DNM3: variants seen among roughly 807,000 people sequenced by gnomAD.
DNM3 encodes the protein dynamin 3, also known as dynamin-3.
DNM3 carries 47 observed loss-of-function variants against 101.6 expected under a neutral mutation model. The observed-to-expected ratio is 0.46, with a 90% CI of 0.37 to 0.59. DNM3 has a LOEUF of 0.59. Ranked by LOEUF, DNM3 falls within the 20% of genes least tolerant of loss-of-function variation. The probability of loss-of-function intolerance (pLI) is 0.00; values close to 1 mark genes in which losing one functional copy is unlikely to be tolerated. For missense variants in DNM3, 849 were observed against 1,085.7 expected, an observed-to-expected ratio of 0.78 and a Z score of 3.06; for synonymous variants, 385 against 387.9, an observed-to-expected ratio of 0.99 and a Z score of 0.09.
intron 17 of DNM3, among the ~76,000 whole-genome samples, chr1:172,340,851 T>G (rs1250442856): frequency 6.6e-6 from 1 of 152,102 alleles, no homozygotes; most frequent in African/African-American, 2.4e-5. Context: ...TGAATAGGAG[T>G]TGGGAGAGAG....
At chr1:172,393,753 A>G (rs892592415) in intron 20 of DNM3, 1 of 152,524 alleles carries the variant, frequency 6.6e-6, no homozygotes, top group African/African-American at 2.4e-5. Flanking sequence ...GGGCATTGTG[A>G]TTTTTCATGG....
chr1:171,869,423 T>C (rs1240611947), intron 1 of DNM3, among the ~76,000 whole-genome samples: 2 of 152,198 alleles, frequency 1.3e-5, no homozygotes, highest in Non-Finnish European at 2.9e-5. Flanking sequence ...GCTAAGTGTG[T>C]CTCTCCAGCA....
intron 14 of DNM3, among the ~76,000 whole-genome samples, chr1:172,251,322 T>C (rs560550146): frequency 1.3e-5 from 2 of 150,770 alleles, no homozygotes; most frequent in African/African-American, 4.9e-5. Flanking sequence ...AACATCATTC[T>C]TTCCCCAAAG....
At chr1:172,064,784 A>G (rs771145570) in intron 10 of DNM3, among the ~76,000 whole-genome samples, 1 of 152,184 alleles carries the variant, frequency 6.6e-6, no homozygotes. Flanking sequence ...CAGTTGTTTC[A>G]TTAATGCCAT....
At chr1:172,251,612 G>A (rs2062173086) in intron 14 of DNM3, among the ~76,000 whole-genome samples, 1 of 151,982 alleles carries the variant, frequency 6.6e-6, no homozygotes, top group African/African-American at 2.4e-5. Flanking sequence ...TTAATATCTG[G>A]CATAAACTTG....
At chr1:172,305,237 A>G (rs2064735477) in intron 15 of DNM3, among the ~76,000 whole-genome samples, 1 of 152,146 alleles carries the variant, frequency 6.6e-6, no homozygotes, top group Non-Finnish European at 1.5e-5. Context: ...AACTACCACC[A>G]GAGAATACTA....
intron 14 of DNM3, chr1:172,137,392 T>A (rs1325271055): frequency 6.6e-6 from 1 of 152,180 alleles, no homozygotes; most frequent in African/African-American, 2.4e-5. Flanking sequence ...GATGACATAT[T>A]GCCATAAGAC....
At chr1:172,239,428 G>A (rs1030784278) in intron 14 of DNM3, among the ~76,000 whole-genome samples, 1 of 152,086 alleles carries the variant, frequency 6.6e-6, no homozygotes, top group Non-Finnish European at 1.5e-5. Flanking sequence ...TCATCTGCAT[G>A]GTCTCAAATC....
At chr1:172,365,331 G>A (rs1278809771) in intron 17 of DNM3, among the ~76,000 whole-genome samples, 1 of 151,892 alleles carries the variant, frequency 6.6e-6, no homozygotes, top group Non-Finnish European at 1.5e-5. Context: ...GCCATGTGGT[G>A]AATTGTTGAA....
intron 4 of DNM3, among the ~76,000 whole-genome samples, chr1:172,019,538 A>G (rs2047687809): frequency 1.3e-5 from 2 of 149,518 alleles, no homozygotes; most frequent in Non-Finnish European, 3.0e-5. Context: ...ATTTGGGGGG[A>G]ATTCTCAGTC....
chr1:172,077,536 G>T (rs1226901984), intron 11 of DNM3, among the ~76,000 whole-genome samples: 1 of 152,172 alleles, frequency 6.6e-6, no homozygotes, highest in African/African-American at 2.4e-5. Flanking sequence ...TGGTTGCAAA[G>T]AACTTATTTA....
chr1:171,981,235 C>T (rs2044766523), intron 2 of DNM3, among the ~76,000 whole-genome samples: 1 of 152,004 alleles, frequency 6.6e-6, no homozygotes, highest in African/African-American at 2.4e-5. Context: ...TGTATATGAC[C>T]CCTGTACTCT....
intron 8 of DNM3, among the ~76,000 whole-genome samples, chr1:172,044,162 A>G (rs144380713): frequency 6.6e-4 from 101 of 152,332 alleles, no homozygotes; most frequent in African/African-American, 1.9e-3. Context: ...CATATCTATA[A>G]CAGAGTTAAA....
chr1:172,024,714 GC>G (rs150726997), intron 4 of DNM3, among the ~76,000 whole-genome samples: 6,351 of 152,292 alleles, frequency 0.042, 138 homozygotes, highest in Middle Eastern at 0.071. Context: ...GAAACTCCCT[GC>G]CCTAGCAAAG....
rs150400433 is a variant in DNM3, at chr1:172,300,388, G to A, written c.1770-8340G>A. On this transcript the variant is annotated intron_variant, in intron 15 of 20. Transcript: ENST00000627582. ...TTTTTTGCTGTCTAGGAGATCTTTC[G>A]TTTAATTAGGTCCCTCTTGTCAATT... Among the ~76,000 whole-genome samples the A allele has an allele frequency of 4.8e-3, 737 of 152,096 alleles. 12 individuals are homozygous for A. The highest frequency in any genetic ancestry group is 0.016 in the African/African-American group (649 of 41,476).
At chr1:172,350,808 C>T (rs1043515974) in intron 17 of DNM3, among the ~76,000 whole-genome samples, 1 of 152,148 alleles carries the variant, frequency 6.6e-6, no homozygotes, top group South Asian at 2.1e-4. Flanking sequence ...CTGAACAGTT[C>T]AGGATGCAGG....
intron 15 of DNM3, among the ~76,000 whole-genome samples, chr1:172,294,618 T>C (rs1352881283): frequency 6.6e-6 from 1 of 152,112 alleles, no homozygotes; most frequent in African/African-American, 2.4e-5. Flanking sequence ...TCTTTTAAAA[T>C]GGTAAAAAGT....
chr1:172,004,387 A>G (rs1339066549), intron 4 of DNM3, among the ~76,000 whole-genome samples: 2 of 152,064 alleles, frequency 1.3e-5, no homozygotes, highest in Non-Finnish European at 2.9e-5. Flanking sequence ...AAATTATTGA[A>G]TAGAAGCAGG....
chr1:171,870,440 C>G (rs2035162232), intron 1 of DNM3, among the ~76,000 whole-genome samples: 1 of 151,748 alleles, frequency 6.6e-6, no homozygotes, highest in Non-Finnish European at 1.5e-5. Context: ...CTCCCTCCAT[C>G]TCAAAAACAA....
Sources: gnomAD v4.1 joint callset for allele counts (sites outside exome capture counted in the v4.1 genomes callset) on GRCh38, gnomAD v4.1.1 for gene constraint, MANE v1.5 for transcripts, NCBI Gene and HGNC (gene_info 2026-07-23, HGNC 2026-07-21) for gene names.